The following DISP1 variants were observed in gnomAD, a reference collection of about 807,000 sequenced individuals.
DISP1 encodes the protein protein dispatched homolog 1.
Under a neutral mutation model 37.3 loss-of-function variants are expected in DISP1, and 30 were observed. The observed-to-expected ratio is 0.80, with a 90% CI of 0.60 to 1.09. The LOEUF (loss-of-function observed/expected upper bound fraction) is 1.09. Ranked by LOEUF, DISP1 falls within the 50% of genes least tolerant of loss-of-function variation. The pLI is 0.00. For synonymous variants in DISP1, 634 were observed against 690.2 expected (o/e 0.92, Z 1.28); for missense variants, 1,598 against 1,879.5 (o/e 0.85, Z 2.77).
Position 222,917,465 on chromosome 1 carries a change from G to T in DISP1, c.-158-10965G>T, listed in dbSNP as rs1440016736. On this transcript the variant is annotated intron_variant, in intron 1 of 8. Coordinates refer to ENST00000675850, the MANE Select transcript of DISP1 (RefSeq NM_001377229.1). ...GAACAAGAAACCCCTTTACAAGTCT[G>T]CCAGCAGCAATATAAGGTCAGTGCC... 3.3e-5 allele frequency among the ~76,000 whole-genome samples: 5 copies of T among 152,144 alleles called. No homozygotes were observed. The South Asian group carries it at 8.3e-4, about 25-fold the overall frequency.
At chr1:222,817,220 A>G (rs1254484956) in intron 1 of DISP1, among the ~76,000 whole-genome samples, 1 of 152,266 alleles carries the variant, frequency 6.6e-6, no homozygotes, top group Non-Finnish European at 1.5e-5. Flanking sequence ...CAGTTTAACC[A>G]ATAATGGCAG....
chr1:222,957,681 C>T lies in DISP1; in HGVS notation c.509+14349C>T, dbSNP rs1009998845. Among the ~76,000 whole-genome samples, 5 of 152,264 alleles carry T rather than the reference C, an allele frequency of 3.3e-5. No homozygotes were observed. In the East Asian group the frequency reaches 5.8e-4, roughly 18 times the overall value. ...ACCTAGCTGCCCTTTAACTAGTGAT[C>T]GGCTAGGCCTTGGGACTCATCTTAA... On this transcript the variant is annotated intron_variant, in intron 3 of 8. Coordinates refer to ENST00000675850, the MANE Select transcript of DISP1 (RefSeq NM_001377229.1).
chr1:222,867,011 G>T (rs1340655497), intron 1 of DISP1, among the ~76,000 whole-genome samples: 4 of 152,174 alleles, frequency 2.6e-5, no homozygotes, highest in Non-Finnish European at 4.4e-5. Context: ...AATGCCTAGG[G>T]TGGTGTTCAT....
At chr1:222,851,670 T>G (rs969125122) in intron 1 of DISP1, among the ~76,000 whole-genome samples, 1 of 152,250 alleles carries the variant, frequency 6.6e-6, no homozygotes, top group African/African-American at 2.4e-5. Context: ...ATAACAACTT[T>G]GTTTTTAAAA....
chr1:222,992,776 C>T (rs1020149783), intron 7 of DISP1, among the ~76,000 whole-genome samples: 33 of 152,032 alleles, frequency 2.2e-4, no homozygotes, highest in Admixed American at 1.6e-3. Context: ...CGAAAGAAAT[C>T]GGCTGCTACT....
At chr1:222,857,650 A>C (rs566782149) in intron 1 of DISP1, among the ~76,000 whole-genome samples, 1 of 152,328 alleles carries the variant, frequency 6.6e-6, no homozygotes, top group South Asian at 2.1e-4. Context: ...AGACAAGCAG[A>C]GAGCCAAATC....
intron 3 of DISP1, among the ~76,000 whole-genome samples, chr1:222,970,431 T>A (rs1354294998): frequency 6.6e-6 from 1 of 152,218 alleles, no homozygotes; most frequent in Non-Finnish European, 1.5e-5. Flanking sequence ...AAAATACTAG[T>A]TCTTGCCTAC....
chr1:222,972,313 CT>C (rs1419842412), intron 3 of DISP1, among the ~76,000 whole-genome samples: 1 of 151,928 alleles, frequency 6.6e-6, no homozygotes, highest in African/African-American at 2.4e-5. Context: ...GATTATTTTC[CT>C]TTTTTTCTCT....
In DISP1 at chr1:222,988,009, A is replaced by T. The variant is rs189930719; in HGVS notation, c.540-2616A>T. ...GTGGAGGAGGAAATAAAGTAAGGAG[A>T]ATATTTTTGCACAGGGTGTGTCCTA... On this transcript the variant is annotated intron_variant, in intron 4 of 8. Transcript: ENST00000675850. Among the ~76,000 whole-genome samples, 11 of 152,246 alleles carry T rather than the reference A, an allele frequency of 7.2e-5. No individual in the cohort carries two copies. The East Asian group carries it at 2.1e-3, about 29-fold the overall frequency.
At chr1:222,976,041 C>T (rs893920736) in intron 3 of DISP1, among the ~76,000 whole-genome samples, 1 of 152,050 alleles carries the variant, frequency 6.6e-6, no homozygotes, top group Non-Finnish European at 1.5e-5. Context: ...CAGAAAAAAA[C>T]GCTAAAAACC....
chr1:222,842,632 C>T (rs1463655148), intron 1 of DISP1, among the ~76,000 whole-genome samples: 1 of 152,042 alleles, frequency 6.6e-6, no homozygotes, highest in Non-Finnish European at 1.5e-5. Flanking sequence ...AACTGAGGAA[C>T]AATTGCATAA....
At chr1:222,983,242 C>T in intron 4 of DISP1, 133 bp downstream of exon 4, 2 of 775,570 alleles carry the variant, frequency 2.6e-6, no homozygotes, top group Non-Finnish European at 4.4e-6. Flanking sequence ...AAGAAATGTC[C>T]CATGAGTTGG....
Position 222,893,232 on chromosome 1 carries a change from T to C in DISP1, c.-158-35198T>C, listed in dbSNP as rs1479650686. Among the ~76,000 whole-genome samples, 1 of 152,244 alleles carries C rather than the reference T, an allele frequency of 6.6e-6. No individual in the cohort carries two copies. The highest frequency in any genetic ancestry group is 2.4e-5 in the African/African-American group (1 of 41,470). ...AACTACTAAAACTTTAGTGGTTTTC[T>C]ATTAAATGGATAATAACCCTATCAT... On this transcript the variant is annotated intron_variant, in intron 1 of 8. Transcript: ENST00000675850. This position sits in a 1 kb window ranked among gnomAD's most constrained non-coding sequence, Gnocchi z 4.3.
At chr1:222,990,885 A>G in intron 5 of DISP1, 137 bp downstream of exon 5, 1 of 1,230,704 alleles carries the variant, frequency 8.1e-7, no homozygotes, top group Non-Finnish European at 1.2e-6. Context: ...CTGAAAAGTA[A>G]AGACATGACT....
chr1:222,885,245 T>C (rs528662903), intron 1 of DISP1, among the ~76,000 whole-genome samples: 16 of 152,186 alleles, frequency 1.1e-4, no homozygotes, highest in Non-Finnish European at 2.4e-4. Context: ...GCCTCATGAA[T>C]ATTTATTTTA....
intron 3 of DISP1, among the ~76,000 whole-genome samples, chr1:222,970,179 C>A (rs969062488): frequency 6.6e-5 from 10 of 152,098 alleles, no homozygotes; most frequent in African/African-American, 2.4e-4. Context: ...TCAACATGAC[C>A]ATCTTTAGTA....
At chr1:222,923,355 G>A (rs1018869593) in intron 1 of DISP1, among the ~76,000 whole-genome samples, 5 of 152,078 alleles carry the variant, frequency 3.3e-5, no homozygotes, top group Admixed American at 1.3e-4. Flanking sequence ...GAAATGTGAC[G>A]CCTTGTGCAA....
chr1:222,933,330 A>G (rs1173358797), intron 2 of DISP1, among the ~76,000 whole-genome samples: 4 of 151,954 alleles, frequency 2.6e-5, no homozygotes, highest in Admixed American at 2.0e-4. Context: ...AATATATATC[A>G]TGTATGTAAT....
intron 1 of DISP1, among the ~76,000 whole-genome samples, chr1:222,928,167 G>A (rs1673187710): frequency 6.6e-6 from 1 of 152,184 alleles, no homozygotes; most frequent in Admixed American, 6.5e-5. Flanking sequence ...ATCAAAGGAA[G>A]TTATAACTAA....
Sources: allele counts gnomAD v4.1 joint callset (sites outside exome capture counted in the v4.1 genomes callset), GRCh38; gene constraint gnomAD v4.1.1; non-coding constraint Gnocchi (gnomAD v3.1); transcripts MANE v1.5; gene names NCBI Gene and HGNC (gene_info 2026-07-23, HGNC 2026-07-21).